FBXW7: variants seen among roughly 807,000 people sequenced by gnomAD.
FBXW7 encodes the protein F-box/WD repeat-containing protein 7.
A neutral mutation model predicts 86.3 loss-of-function variants in FBXW7; 11 were observed. The observed-to-expected ratio is 0.13, with a 90% CI of 0.08 to 0.21. The LOEUF is 0.21. Among genes scored for constraint, FBXW7 ranks in the 10% least tolerant of loss-of-function variants. The probability of loss-of-function intolerance (pLI) is 1.00; values close to 1 mark genes in which losing one functional copy is unlikely to be tolerated. For missense variants in FBXW7, 488 were observed against 847.4 expected (o/e 0.58, Z 5.27); for synonymous variants, 313 against 297.9 (o/e 1.05, Z -0.52).
At chr4:152,528,736 T>C (rs1444536119) in intron 2 of FBXW7, among the ~76,000 whole-genome samples, 1 of 152,150 alleles carries the variant, frequency 6.6e-6, no homozygotes, top group African/African-American at 2.4e-5. Flanking sequence ...TTAAACATAC[T>C]GTGAAAGGTA....
chr4:152,329,845 G>C (rs886517063), intron 9 of FBXW7, 60 bp from the exon 10 acceptor site: 2 of 953,132 alleles, frequency 2.1e-6, no homozygotes, highest in African/African-American at 3.4e-5. Context: ...TTAAAATACT[G>C]GTGAAGAGAA....
At chr4:152,398,500 T>C (rs913417940) in intron 4 of FBXW7, among the ~76,000 whole-genome samples, 4 of 152,004 alleles carry the variant, frequency 2.6e-5, no homozygotes, top group Non-Finnish European at 5.9e-5. Context: ...TTCTGAAATG[T>C]TCTTAAAATT....
chr4:152,358,481 TAA>T (rs993919693), intron 4 of FBXW7, among the ~76,000 whole-genome samples: 10 of 144,766 alleles, frequency 6.9e-5, no homozygotes, highest in East Asian at 6.0e-4. Flanking sequence ...TTAGTCATGA[TAA>T]AAAAGTTTTG....
chr4:152,389,662 T>C (rs1280729819), intron 4 of FBXW7, among the ~76,000 whole-genome samples: 3 of 152,026 alleles, frequency 2.0e-5, no homozygotes, highest in Non-Finnish European at 4.4e-5. Context: ...GGGTACAATG[T>C]ATACTATTTG....
intron 2 of FBXW7, among the ~76,000 whole-genome samples, chr4:152,438,101 G>C (rs970131485): frequency 2.0e-5 from 3 of 152,100 alleles, no homozygotes; most frequent in Admixed American, 1.3e-4. Context: ...TTGAACCTGA[G>C]AGGCGGAGGT....
Position 152,501,230 on chromosome 4 carries a change from T to C in FBXW7, c.-120+33711A>G, listed in dbSNP as rs148965090. 2.5e-3 allele frequency among the ~76,000 whole-genome samples: 378 copies of C among 152,348 alleles called. 2 individuals carry two copies. The highest frequency in any genetic ancestry group is 3.6e-3 in the Non-Finnish European group (248 of 68,026). ...GAACTCTTTCAAGGACCATCTCTAG[T>C]GACTAGCAGAATGCACTTTGGAAAC... is the stretch of plus-strand genomic sequence containing the variant. On this transcript the variant is annotated intron_variant, in intron 2 of 13. Coordinates refer to ENST00000281708, the MANE Select transcript of FBXW7 (RefSeq NM_001349798.2).
intron 6 of FBXW7, among the ~76,000 whole-genome samples, chr4:152,344,265 C>T (rs1271697942): frequency 1.3e-5 from 2 of 152,092 alleles, no homozygotes; most frequent in Non-Finnish European, 2.9e-5. Flanking sequence ...AAATAAAGGG[C>T]AGTGTACAAC....
chr4:152,384,141 A>G (rs1014523088), intron 4 of FBXW7, among the ~76,000 whole-genome samples: 5 of 152,266 alleles, frequency 3.3e-5, no homozygotes, highest in Non-Finnish European at 7.4e-5. Context: ...AACAATTTAA[A>G]CATAAAATCA....
intron 2 of FBXW7, among the ~76,000 whole-genome samples, chr4:152,444,344 T>G (rs1042348229): frequency 3.3e-5 from 5 of 151,814 alleles, no homozygotes; most frequent in African/African-American, 7.3e-5. Context: ...AAACCATTTA[T>G]CTGATGTTTG....
chr4:152,448,363 T>C (rs1007903544), intron 2 of FBXW7, among the ~76,000 whole-genome samples: 1 of 152,228 alleles, frequency 6.6e-6, no homozygotes, highest in African/African-American at 2.4e-5. Flanking sequence ...ACATCTTTAA[T>C]TGGTCTTTTA....
intron 2 of FBXW7, among the ~76,000 whole-genome samples, chr4:152,531,427 A>G (rs1415424965): frequency 6.6e-6 from 1 of 152,228 alleles, no homozygotes; most frequent in Non-Finnish European, 1.5e-5. Context: ...GCAGAATTCC[A>G]ACTAAGGAAC....
intron 2 of FBXW7, among the ~76,000 whole-genome samples, chr4:152,488,111 T>C (rs1197309173): frequency 6.6e-6 from 1 of 152,084 alleles, no homozygotes; most frequent in Non-Finnish European, 1.5e-5. Context: ...AATTGAAAGT[T>C]TGACTATTTT....
At chr4:152,458,965 C>T (rs537641956) in intron 2 of FBXW7, among the ~76,000 whole-genome samples, 1 of 152,124 alleles carries the variant, frequency 6.6e-6, no homozygotes, top group Non-Finnish European at 1.5e-5. Flanking sequence ...ACCAATACAG[C>T]CCTAACACAG....
chr4:152,361,898 G>A (rs1732983099), intron 4 of FBXW7, among the ~76,000 whole-genome samples: 1 of 150,400 alleles, frequency 6.6e-6, no homozygotes, highest in African/African-American at 2.4e-5. Context: ...CTCGGGAGGT[G>A]GAGGGTGCAG....
intron 2 of FBXW7, among the ~76,000 whole-genome samples, chr4:152,488,719 C>A (rs1177997818): frequency 6.6e-6 from 1 of 152,042 alleles, no homozygotes; most frequent in Non-Finnish European, 1.5e-5. Flanking sequence ...ATTAATTATT[C>A]TCTTGTGTTT....
Position 152,413,097 on chromosome 4 carries a change from CAAAT to C in FBXW7, c.-119-572_-119-569del, listed in dbSNP as rs368259443. Among the ~76,000 whole-genome samples the C allele has an allele frequency of 2.7e-4, 41 of 152,142 alleles. No individual in the cohort carries two copies. The East Asian group carries it at 4.6e-3, about 17-fold the overall frequency. On this transcript the variant is annotated intron_variant, in intron 2 of 13. Coordinates refer to ENST00000281708, the MANE Select transcript of FBXW7 (RefSeq NM_001349798.2). Reference sequence around the variant, plus strand: ...GTGATCTAAAACTTGAAACTGCTAACAAATGAAGTATTGTCAATTCTAGTCTTTT... The same window carrying C: ...GTGATCTAAAACTTGAAACTGCTAACGAAGTATTGTCAATTCTAGTCTTTT...
At chr4:152,379,704 G>A (rs1449698516) in intron 4 of FBXW7, among the ~76,000 whole-genome samples, 2 of 152,030 alleles carry the variant, frequency 1.3e-5, no homozygotes, top group African/African-American at 4.8e-5. Flanking sequence ...TCATTTGAAG[G>A]TAAATGATTA....
intron 4 of FBXW7, among the ~76,000 whole-genome samples, chr4:152,408,277 T>G (rs1475952107): frequency 1.3e-5 from 2 of 152,212 alleles, no homozygotes; most frequent in Admixed American, 6.5e-5. Context: ...GAAAATTAGT[T>G]GATATTCTGC....
intron 4 of FBXW7, among the ~76,000 whole-genome samples, chr4:152,377,920 A>G (rs750267803): frequency 2.0e-5 from 3 of 152,186 alleles, no homozygotes; most frequent in Non-Finnish European, 4.4e-5. Context: ...TTACACAAGC[A>G]AAAAGCTATA....
Sources: gnomAD v4.1 joint callset for allele counts (sites outside exome capture counted in the v4.1 genomes callset) on GRCh38, gnomAD v4.1.1 for gene constraint, MANE v1.5 for transcripts, NCBI Gene and HGNC (gene_info 2026-07-23, HGNC 2026-07-21) for gene names.